Variants in SRRM2 observed in about 807,000 individuals in gnomAD.
The protein encoded by SRRM2 is serine/arginine repetitive matrix 2.
SRRM2 carries 30 observed loss-of-function variants against 213.8 expected under a neutral mutation model. The ratio of observed to expected loss-of-function variants is 0.14; its 90% CI spans 0.10 to 0.19. The LOEUF (loss-of-function observed/expected upper bound fraction) is 0.19. Among genes scored for constraint, SRRM2 ranks in the 10% least tolerant of loss-of-function variants. SRRM2 has a pLI of 1.00. For missense variants in SRRM2, 4,904 were observed against 3,647.0 expected (o/e 1.34, Z -8.88); for synonymous variants, 2,025 against 1,377.7 (o/e 1.47, Z -10.40).
chr16:2,759,246 A>T (rs1238654254), intron 7 of SRRM2, 74 bp downstream of exon 7: 2 of 1,605,068 alleles, frequency 1.2e-6, no homozygotes, highest in Non-Finnish European at 8.5e-7. Flanking sequence ...AGTGAAGCTC[A>T]ATTCCTTGAT....
intron 11 of SRRM2, 195 bp from the exon 12 acceptor site, chr16:2,768,802 C>A: frequency 9.3e-7 from 1 of 1,080,002 alleles, no homozygotes. Context: ...CGGGCCCCAG[C>A]CTGTTGCTTC....
intron 5 of SRRM2, 54 bp downstream of exon 5, chr16:2,758,601 C>A: frequency 6.5e-7 from 1 of 1,534,416 alleles, no homozygotes; most frequent in Non-Finnish European, 9.0e-7. Flanking sequence ...CTGTGGTGTA[C>A]CTTTCTCTCT....
chr16:2,757,482 C>T lies in SRRM2; in HGVS notation c.253C>T (p.Gln85Ter). The T allele has an allele frequency of 6.2e-7, 1 of 1,614,024 alleles. No individual in the cohort carries two copies. Residue 85 changes from glutamine (Q) to a stop codon, truncating the protein, a stop_gained, in exon 3 of 15, where the codon CAG becomes TAG. Coordinates refer to ENST00000301740, the MANE Select transcript of SRRM2 (RefSeq NM_016333.4). LOFTEE classifies it high-confidence loss of function. ...EMMEEQGYEE[Q>*]QIQEKVATFR... Reference sequence around the variant, plus strand: ...GGATTTGTTCTTCAGGTACGAGGAACAGCAAATTCAGGAAAAAGTGGCGAC... The same window carrying T: ...GGATTTGTTCTTCAGGTACGAGGAATAGCAAATTCAGGAAAAAGTGGCGAC...
Position 2,765,962 on chromosome 16 carries a change from C to G in SRRM2, c.5434C>G (p.Arg1812Gly). ...GAGCCGGTCAAGGTCGCGGGTTACT[C>G]GGCGGCGGAGGGGAGGCTCTGGTTA... ...QRSRSRSRVTRRRRGGSGYHS... is the reference protein window; with the variant it reads ...QRSRSRSRVTGRRRGGSGYHS... The change falls in exon 11 of 15, where the codon CGG (arginine) becomes GGG (glycine). Residue 1812 changes from arginine to glycine, a missense_variant. Arg to Gly is a moderately radical substitution (Grantham distance 125, BLOSUM62 -2). Coordinates refer to ENST00000301740, the MANE Select transcript of SRRM2 (RefSeq NM_016333.4). The G allele has an allele frequency of 1.2e-6, 2 of 1,614,124 alleles. No homozygotes were observed. The highest frequency in any genetic ancestry group is 1.7e-6 in the Non-Finnish European group (2 of 1,180,000).
chr16:2,769,789 G>A (rs1409038384), intron 12 of SRRM2: 1 of 466,684 alleles, frequency 2.1e-6, no homozygotes, highest in South Asian at 1.5e-5. Flanking sequence ...TGGCGTGTGA[G>A]GCTCTTCACC....
intron 5 of SRRM2, 155 bp from the exon 6 acceptor site, chr16:2,758,830 G>A (rs2068238897): frequency 1.2e-6 from 1 of 808,760 alleles, no homozygotes; most frequent in African/African-American, 1.7e-5. Flanking sequence ...TGTGCTTGTT[G>A]GAGAAAGAAG....
chr16:2,759,480 C>T (rs1277519134), intron 8 of SRRM2, 78 bp downstream of exon 8: 8 of 1,600,562 alleles, frequency 5.0e-6, no homozygotes, highest in Non-Finnish European at 6.0e-6. Context: ...TGAGTTATGT[C>T]CCTGACTGGT....
At chr16:2,768,821 G>T (rs992918355) in intron 11 of SRRM2, 176 bp from the exon 12 acceptor site, 20 of 1,296,424 alleles carry the variant, frequency 1.5e-5, no homozygotes, top group Non-Finnish European at 2.2e-5. Context: ...TCTGTTAGCA[G>T]AGGTTGGGTC....
In SRRM2 at chr16:2,761,798, T is replaced by C. The variant is rs764628888; in HGVS notation, c.1270T>C (p.Ser424Pro). The C allele has an allele frequency of 1.6e-5, 26 of 1,613,650 alleles. No individual in the cohort carries two copies. The highest frequency in any genetic ancestry group is 2.1e-5 in the Non-Finnish European group (25 of 1,179,926). The change falls in exon 11 of 15, where the codon TCC (serine) becomes CCC (proline). Residue 424 changes from serine to proline, a missense_variant. Transcript: ENST00000301740. ...TTCTTCCTCAGAGAGCAGCCCACCATCCCCTCAACCTACCAAAGTTTCTCG... is the reference window on the plus strand; with the variant it reads ...TTCTTCCTCAGAGAGCAGCCCACCACCCCCTCAACCTACCAAAGTTTCTCG... ...QSSSSESSPPSPQPTKVSRHA... is the reference protein window; with the variant it reads ...QSSSSESSPPPPQPTKVSRHA...
At chr16:2,752,985 C>T (rs1235254776) in intron 1 of SRRM2, 139 bp downstream of exon 1, 2 of 153,390 alleles carry the variant, frequency 1.3e-5, no homozygotes, top group South Asian at 2.0e-4. Context: ...CTGGCGCGGA[C>T]GCCCTCGCCT....
In SRRM2 at chr16:2,764,922, G is replaced by T. The variant is rs773830405; in HGVS notation, c.4394G>T (p.Gly1465Val). The change falls in exon 11 of 15, where the codon GGA becomes GTA. Residue 1465 changes from glycine to valine, a missense_variant. By Grantham distance (109) the Gly-to-Val change is moderately radical. Transcript: ENST00000301740. ...CACAGCCTGTCTGGGTCCTCTCCTG[G>T]AATGAAAGATATACCTAGAACGCCA... Reference protein sequence around the residue: ...SRHSLSGSSPGMKDIPRTPSR... With the variant: ...SRHSLSGSSPVMKDIPRTPSR... 3 of 1,614,018 alleles carry T rather than the reference G, an allele frequency of 1.9e-6. No individual in the cohort carries two copies. The African/African-American group carries it at 4.0e-5, about 22-fold the overall frequency.
chr16:2,760,503 T>C lies in SRRM2; in HGVS notation c.1032+4T>C, dbSNP rs763155069. 4 of 1,613,990 alleles carry C rather than the reference T, an allele frequency of 2.5e-6. No individual in the cohort carries two copies. Among genetic ancestry groups the C allele is most frequent in the African/African-American group, 2.7e-5 (2 of 74,936 alleles). ...CAAAGATAAAGACAAGAAGGAGGTA[T>C]GTTCCTGAGTTGGTGATGTTCATTG... On this transcript the variant is annotated splice_donor_region_variant and intron_variant, in intron 10 of 14. Coordinates refer to ENST00000301740, the MANE Select transcript of SRRM2 (RefSeq NM_016333.4).
chr16:2,761,609 C>T lies in SRRM2; in HGVS notation c.1081C>T (p.Pro361Ser). 2 of 1,547,980 alleles carry T rather than the reference C, an allele frequency of 1.3e-6. No individual in the cohort carries two copies. The highest frequency in any genetic ancestry group is 1.7e-6 in the Non-Finnish European group (2 of 1,152,538). ...CTCTCCGGAAAGGAGCAGCACAGGC[C>T]CAGAACCACCTGCTCCCACTCCGCT... ...SPSPERSSTG[P>S]EPPAPTPLLA... Residue 361 changes from proline to serine, a missense_variant, in exon 11 of 15, where the codon CCA (proline) becomes TCA (serine). By Grantham distance (74) the Pro-to-Ser change is moderately conservative. Transcript: ENST00000301740.
rs1424737444 is a variant in SRRM2, at chr16:2,762,529, C to G, written c.2001C>G (p.Gly667=). Residue 667 remains glycine (G), a synonymous_variant, in exon 11 of 15, where the codon GGC becomes GGG. Transcript: ENST00000301740. Reference sequence around the variant, plus strand: ...GCTCCAGAACCCCAGCCAGACGTGGCCGCTCACGCTCTAGAACCCCAGCTA... The same window carrying G: ...GCTCCAGAACCCCAGCCAGACGTGGGCGCTCACGCTCTAGAACCCCAGCTA... ...RSRSRTPARR[G]RSRSRTPARR... is the part of the protein sequence containing the mutation. 6.2e-7 allele frequency: 1 copy of G among 1,613,714 alleles called. No individual in the cohort carries two copies. Among genetic ancestry groups the G allele is most frequent in the Admixed American group, 1.7e-5 (1 of 59,962 alleles).
chr16:2,764,606 C>T lies in SRRM2; in HGVS notation c.4078C>T (p.Leu1360Phe), dbSNP rs765164625. Residue 1360 changes from leucine to phenylalanine, a missense_variant, in exon 11 of 15, where the codon CTT becomes TTT. By Grantham distance (22) the Leu-to-Phe change is conservative. Coordinates refer to ENST00000301740, the MANE Select transcript of SRRM2 (RefSeq NM_016333.4). ...TAAAGAAGATTTGAATGGACCGTTT[C>T]TTAATCAGCTGGAAACAGATCCATC... ...EVKEDLNGPFLNQLETDPSLD... is the reference protein window; with the variant it reads ...EVKEDLNGPFFNQLETDPSLD... The T allele has an allele frequency of 6.2e-6, 10 of 1,614,058 alleles. No individual in the cohort carries two copies. The highest frequency in any genetic ancestry group is 5.0e-5 in the Admixed American group (3 of 60,010).
rs61134247 is a variant in SRRM2 at position 2,757,039 on chromosome 16, A to G, written c.242+433A>G. 5.7e-3 allele frequency among the ~76,000 whole-genome samples: 869 copies of G among 152,250 alleles called. 11 individuals carry two copies. Among genetic ancestry groups the G allele is most frequent in the African/African-American group, 0.02 (838 of 41,538 alleles). Reference sequence around the variant, plus strand: ...GAGGAATTAGAAGAATACGTGAAGAAGTGGGAATCATGGGCTGGGAAGGGA... The same window carrying G: ...GAGGAATTAGAAGAATACGTGAAGAGGTGGGAATCATGGGCTGGGAAGGGA... On this transcript the variant is annotated intron_variant, in intron 2 of 14. Coordinates refer to ENST00000301740, the MANE Select transcript of SRRM2 (RefSeq NM_016333.4).
At chr16:2,756,634 C>T (rs777228650) in intron 2 of SRRM2, 28 bp downstream of exon 2, 28 of 1,596,654 alleles carry the variant, frequency 1.8e-5, no homozygotes, top group Non-Finnish European at 2.2e-5. Context: ...GAGAGTCAAG[C>T]ACTGAATGAG....
At position 2,756,322 on chromosome 16, in the gene SRRM2, G is replaced by A. The variant is rs1304388197; in HGVS notation, c.-31-12G>A. On this transcript the variant is annotated splice_polypyrimidine_tract_variant and intron_variant, in intron 1 of 14. Coordinates refer to ENST00000301740, the MANE Select transcript of SRRM2 (RefSeq NM_016333.4). Reference sequence around the variant, plus strand: ...CCAGGGGCCTGACCCGTGTCTCCCCGCTCCCCCTCAGGAGCGGTGGTGCCC... The same window carrying A: ...CCAGGGGCCTGACCCGTGTCTCCCCACTCCCCCTCAGGAGCGGTGGTGCCC... The A allele has an allele frequency of 8.4e-6, 13 of 1,542,916 alleles. No individual in the cohort carries two copies. The highest frequency in any genetic ancestry group is 2.3e-5 in the East Asian group (1 of 42,822).
intron 2 of SRRM2, among the ~76,000 whole-genome samples, chr16:2,757,000 C>T (rs1296634217): frequency 1.3e-5 from 2 of 152,056 alleles, no homozygotes; most frequent in Non-Finnish European, 2.9e-5. Flanking sequence ...TGGAAAGTAG[C>T]ATAGGCAGGA....
Sources: allele counts gnomAD v4.1 joint callset (sites outside exome capture counted in the v4.1 genomes callset), GRCh38; gene constraint gnomAD v4.1.1; transcripts MANE v1.5; gene names NCBI Gene and HGNC (gene_info 2026-07-23, HGNC 2026-07-21).